The following PDS5A variants were observed in gnomAD, a reference collection of about 807,000 sequenced individuals.
PDS5A encodes the protein PDS5 cohesin associated factor A.
A neutral mutation model predicts 167.1 loss-of-function variants in PDS5A; 42 were observed. The ratio of observed to expected loss-of-function variants is 0.25; its 90% CI spans 0.20 to 0.33. The LOEUF (loss-of-function observed/expected upper bound fraction) is 0.33. Among genes scored for constraint, PDS5A ranks in the 10% least tolerant of loss-of-function variants. The pLI is 1.00. For synonymous variants in PDS5A, 553 were observed against 554.6 expected, an observed-to-expected ratio of 1.00 and a Z score of 0.04; for missense variants, 1,033 against 1,605.9, an observed-to-expected ratio of 0.64 and a Z score of 6.10.
chr4:39,944,625 C>T (rs111951946), intron 2 of PDS5A, among the ~76,000 whole-genome samples: 49 of 143,374 alleles, frequency 3.4e-4, no homozygotes, highest in African/African-American at 1.2e-3. Context: ...ACCTGGGAGG[C>T]GGAGGTTGCA....
chr4:39,868,289 T>C (rs1719727744), intron 22 of PDS5A, among the ~76,000 whole-genome samples: 1 of 151,954 alleles, frequency 6.6e-6, no homozygotes, highest in Non-Finnish European at 1.5e-5. Context: ...GCTTTCTGAG[T>C]AGGTGGAACT....
chr4:39,908,034 G>A lies in PDS5A; in HGVS notation c.1233+361C>T, dbSNP rs185806049. ...TTCAATGAATGGCAGACCCAGCTAAGTTATTCAAGAAAGTCATATGTGAAA... is the reference window on the plus strand; with the variant it reads ...TTCAATGAATGGCAGACCCAGCTAAATTATTCAAGAAAGTCATATGTGAAA... On this transcript the variant is annotated intron_variant, in intron 11 of 32. Coordinates refer to ENST00000303538, the MANE Select transcript of PDS5A (RefSeq NM_001100399.2). Among the ~76,000 whole-genome samples, 25 of 152,306 alleles carry A rather than the reference G, an allele frequency of 1.6e-4. No homozygotes were observed. The East Asian group carries it at 4.4e-3, about 27-fold the overall frequency.
chr4:39,841,872 G>A (rs1468600603), intron 31 of PDS5A, 76 bp downstream of exon 31: 3 of 770,518 alleles, frequency 3.9e-6, no homozygotes, highest in East Asian at 2.6e-5. Flanking sequence ...AGTGTTGGCT[G>A]TAGATTTCTT....
At chr4:39,973,516 G>C in intron 2 of PDS5A, 1 of 1,297,880 alleles carries the variant, frequency 7.7e-7, no homozygotes, top group Non-Finnish European at 1.1e-6. Flanking sequence ...TCTCCAGAAA[G>C]AGTTTTCTCC....
At chr4:39,969,584 T>G (rs554061043) in intron 2 of PDS5A, among the ~76,000 whole-genome samples, 1 of 150,448 alleles carries the variant, frequency 6.6e-6, no homozygotes, top group Admixed American at 6.6e-5. Context: ...GATAATCACT[T>G]GAACCCAGGA....
intron 26 of PDS5A, among the ~76,000 whole-genome samples, chr4:39,855,760 C>T (rs1034262156): frequency 2.0e-5 from 3 of 151,956 alleles, no homozygotes; most frequent in African/African-American, 7.3e-5. Context: ...ATTCAGTAAA[C>T]CTGTAGACAA....
chr4:39,874,267 A>C, intron 20 of PDS5A, 22 bp downstream of exon 20: 1 of 1,589,784 alleles, frequency 6.3e-7, no homozygotes, highest in East Asian at 2.2e-5. Flanking sequence ...CAATATAAAC[A>C]CAACCTATAT....
chr4:39,959,297 C>G (rs568317140), intron 2 of PDS5A, among the ~76,000 whole-genome samples: 1 of 152,246 alleles, frequency 6.6e-6, no homozygotes, highest in Non-Finnish European at 1.5e-5. Flanking sequence ...ATGTTTATCT[C>G]TTTTTAAATT....
chr4:39,929,926 A>T (rs1319562597), intron 2 of PDS5A, among the ~76,000 whole-genome samples: 2 of 147,216 alleles, frequency 1.4e-5, no homozygotes, highest in East Asian at 3.9e-4. Flanking sequence ...AAAAAAAAAA[A>T]TTTGGGGGGC....
chr4:39,915,197 C>T (rs1330273271), intron 8 of PDS5A, among the ~76,000 whole-genome samples: 1 of 151,778 alleles, frequency 6.6e-6, no homozygotes, highest in Non-Finnish European at 1.5e-5. Flanking sequence ...CATCACCACA[C>T]CTGGCTAATT....
intron 10 of PDS5A, chr4:39,908,796 G>T (rs1723615508): frequency 2.5e-6 from 1 of 401,070 alleles, no homozygotes; most frequent in Non-Finnish European, 4.5e-6. Context: ...GGCTGAGGCA[G>T]GCAGGCAGGT....
intron 31 of PDS5A, among the ~76,000 whole-genome samples, chr4:39,840,315 C>CAAAACA (rs1274010450): frequency 6.6e-6 from 1 of 152,146 alleles, no homozygotes; most frequent in Non-Finnish European, 1.5e-5. Flanking sequence ...CAAAACAAAA[C>CAAAACA]AAAACAAAAT....
In PDS5A at chr4:39,877,051, T is replaced by G. The variant is rs909250421; in HGVS notation, c.2095A>C (p.Ile699Leu). The G allele has an allele frequency of 6.2e-7, 1 of 1,611,852 alleles. No homozygotes were observed. Among genetic ancestry groups the G allele is most frequent in the East Asian group, 2.2e-5 (1 of 44,828 alleles). ...TGACCTGTATTTCTAAAAATTTGAA[T>G]AGCAGCTTCTGCTACCTTGTCATCC... Reference protein sequence around the residue: ...MEDDKVAEAAIQIFRNTGHKI... With the variant: ...MEDDKVAEAALQIFRNTGHKI... Residue 699 changes from isoleucine to leucine, a missense_variant, in exon 19 of 33, where the codon ATT becomes CTT. Transcript: ENST00000303538.
intron 28 of PDS5A, 102 bp from the exon 29 acceptor site, chr4:39,845,982 TAATA>T (rs969060405): frequency 3.5e-5 from 33 of 948,586 alleles, no homozygotes; most frequent in Non-Finnish European, 9.6e-6. Flanking sequence ...TGCCTTGCAA[TAATA>T]AATACACTTG....
At chr4:39,841,097 T>C (rs571561767) in intron 31 of PDS5A, among the ~76,000 whole-genome samples, 12 of 152,198 alleles carry the variant, frequency 7.9e-5, no homozygotes, top group African/African-American at 2.6e-4. Context: ...AGCAAAGGGC[T>C]GATCTCTGGT....
intron 11 of PDS5A, among the ~76,000 whole-genome samples, chr4:39,905,944 AAAG>A (rs1365936456): frequency 2.0e-5 from 3 of 152,128 alleles, no homozygotes; most frequent in Non-Finnish European, 4.4e-5. Flanking sequence ...ATAAAAAAGA[AAAG>A]AAAAACAAAG....
intron 31 of PDS5A, among the ~76,000 whole-genome samples, chr4:39,839,398 C>T (rs1212748160): frequency 6.6e-6 from 1 of 151,852 alleles, no homozygotes; most frequent in East Asian, 1.9e-4. Context: ...GGTGAAACCA[C>T]ATCTCTACTA....
chr4:39,881,109 T>C (rs183350022), intron 17 of PDS5A, among the ~76,000 whole-genome samples: 4 of 152,260 alleles, frequency 2.6e-5, no homozygotes, highest in African/African-American at 9.6e-5. Flanking sequence ...TCCAATGCCA[T>C]TCATATTGCT....
Position 39,879,448 on chromosome 4 carries a change from G to A in PDS5A, c.1992+280C>T, listed in dbSNP as rs79739162. ...TCCACAAAGTCTAAAGTCACATCTT[G>A]CTATTACTAAGTTAAGAATAGATTG... On this transcript the variant is annotated intron_variant, in intron 18 of 32. Transcript: ENST00000303538. Among the ~76,000 whole-genome samples, 983 of 152,136 alleles carry A rather than the reference G, an allele frequency of 6.5e-3. 4 individuals are homozygous for A. The highest frequency in any genetic ancestry group is 0.01 in the Middle Eastern group (3 of 294).
Sources: gnomAD v4.1 joint callset for allele counts (sites outside exome capture counted in the v4.1 genomes callset) on GRCh38, gnomAD v4.1.1 for gene constraint, MANE v1.5 for transcripts, NCBI Gene and HGNC (gene_info 2026-07-23, HGNC 2026-07-21) for gene names.